The following ACAD11 variants were observed in gnomAD, a reference collection of about 807,000 sequenced individuals.
The protein encoded by ACAD11 is acyl-Coenzyme A dehydrogenase family, member 11.
ACAD11 carries 83 observed loss-of-function variants against 102.2 expected under a neutral mutation model. The observed-to-expected ratio is 0.81, with a 90% CI of 0.68 to 0.97. The LOEUF (loss-of-function observed/expected upper bound fraction) is 0.97, where lower values mean the gene tolerates loss of function less well. Ranked by LOEUF, ACAD11 falls within the 50% of genes least tolerant of loss-of-function variation. The pLI is 0.00. For synonymous variants in ACAD11, 324 were observed against 319.8 expected, an observed-to-expected ratio of 1.01 and a Z score of -0.14; for missense variants, 901 against 951.7, an observed-to-expected ratio of 0.95 and a Z score of 0.70.
At chr3:132,656,677 A>G (rs1225628633) in intron 1 of ACAD11, among the ~76,000 whole-genome samples, 4 of 151,990 alleles carry the variant, frequency 2.6e-5, no homozygotes, top group Non-Finnish European at 5.9e-5. Flanking sequence ...TATTTTTAGT[A>G]GAGACGGGGT....
chr3:132,604,882 A>G (rs1272328103), intron 12 of ACAD11, among the ~76,000 whole-genome samples: 1 of 152,264 alleles, frequency 6.6e-6, no homozygotes, highest in African/African-American at 2.4e-5. Flanking sequence ...CTACTAGAGA[A>G]CATCATCTGA....
intron 1 of ACAD11, 94 bp downstream of exon 1, chr3:132,659,509 G>T (rs1938009961): frequency 3.8e-6 from 6 of 1,559,344 alleles, no homozygotes; most frequent in Admixed American, 3.7e-5. Flanking sequence ...AAGCAATCAG[G>T]GTGGGAGAAA....
At chr3:132,647,058 T>C (rs1940742817) in intron 1 of ACAD11, 1 of 152,204 alleles carries the variant, frequency 6.6e-6, no homozygotes, top group South Asian at 2.1e-4. Flanking sequence ...TTGTACACTT[T>C]AAAACGGTTA....
At chr3:132,610,964 A>C (rs1026210226) in intron 11 of ACAD11, among the ~76,000 whole-genome samples, 1 of 152,196 alleles carries the variant, frequency 6.6e-6, no homozygotes, top group Non-Finnish European at 1.5e-5. Flanking sequence ...CATTGATGCA[A>C]AAATCCTCAA....
Position 132,603,213 on chromosome 3 carries a change from T to C in ACAD11, c.1621+16A>G, listed in dbSNP as rs747304063. 1 of 1,607,016 alleles carries C rather than the reference T, an allele frequency of 6.2e-7. No individual in the cohort carries two copies. ...GGATCAGTGTGTTAGGTGAAAAAAT[T>C]AGGCTGAACACTCACCACTGCTCCA... On this transcript the variant is annotated intron_variant, in intron 13 of 19. Transcript: ENST00000264990.
intron 14 of ACAD11, 53 bp from the exon 15 acceptor site, chr3:132,578,934 A>T: frequency 6.2e-7 from 1 of 1,606,160 alleles, no homozygotes; most frequent in Non-Finnish European, 8.5e-7. Context: ...GAAAAATAAA[A>T]CAGATAATAA....
chr3:132,641,645 GAAGAGGA>G lies in ACAD11; in HGVS notation c.537+320_537+326del, dbSNP rs1267110746. Among the ~76,000 whole-genome samples, 8 of 150,196 alleles carry G rather than the reference GAAGAGGA, an allele frequency of 5.3e-5. No individual in the cohort carries two copies. The East Asian group carries it at 6.1e-4, about 11-fold the overall frequency. On this transcript the variant is annotated intron_variant, in intron 4 of 19. Transcript: ENST00000264990. ...GGAAGAAGAGGAGGAAGAAGAGGAA[GAAGAGGA>G]GGAAGAAGAGGAGGAAGAAGAGGAA...
chr3:132,585,136 C>T (rs1231358070), intron 13 of ACAD11, among the ~76,000 whole-genome samples: 2 of 151,956 alleles, frequency 1.3e-5, no homozygotes, highest in Admixed American at 1.3e-4. Context: ...GTACTGGTAC[C>T]AAAACAGAGA....
At chr3:132,576,034 G>T in intron 16 of ACAD11, 108 bp from the exon 17 acceptor site, 1 of 1,301,644 alleles carries the variant, frequency 7.7e-7, no homozygotes, top group Non-Finnish European at 1.0e-6. Flanking sequence ...AATAAAAATG[G>T]CTTTCTAGTG....
At chr3:132,636,329 C>T (rs1183109480) in intron 5 of ACAD11, among the ~76,000 whole-genome samples, 1 of 152,106 alleles carries the variant, frequency 6.6e-6, no homozygotes, top group East Asian at 1.9e-4. Flanking sequence ...TTTCTGAAAC[C>T]TCAGCTCAAC....
At chr3:132,625,061 C>G (rs1260943823) in intron 9 of ACAD11, among the ~76,000 whole-genome samples, 1 of 152,106 alleles carries the variant, frequency 6.6e-6, no homozygotes, top group East Asian at 1.9e-4. Context: ...TATAAGAGAC[C>G]AACCGAAGCA....
intron 1 of ACAD11, among the ~76,000 whole-genome samples, chr3:132,656,162 A>T (rs1046377473): frequency 3.3e-5 from 5 of 152,204 alleles, no homozygotes; most frequent in African/African-American, 1.2e-4. Flanking sequence ...GCTGTAGCTG[A>T]ATCATTTTCA....
rs867010149 is a variant in ACAD11 at position 132,626,466 on chromosome 3, C to G, written c.1197+225G>C. 3.3e-5 allele frequency among the ~76,000 whole-genome samples: 5 copies of G among 151,564 alleles called. No individual in the cohort carries two copies. The South Asian group carries it at 1.0e-3, about 32-fold the overall frequency. On this transcript the variant is annotated intron_variant, in intron 9 of 19. Coordinates refer to ENST00000264990, the MANE Select transcript of ACAD11 (RefSeq NM_032169.5). ...AGTGTTTTACTCTAACATAGTTAGG[C>G]TCCCAATGTTAAAACTACTAATTCT...
intron 1 of ACAD11, among the ~76,000 whole-genome samples, chr3:132,649,430 T>C (rs1940849494): frequency 6.6e-6 from 1 of 152,096 alleles, no homozygotes; most frequent in Admixed American, 6.5e-5. Flanking sequence ...TTTACTCTAC[T>C]GAGATGTTTG....
At chr3:132,639,207 A>T (rs181241678) in intron 5 of ACAD11, among the ~76,000 whole-genome samples, 3 of 152,316 alleles carry the variant, frequency 2.0e-5, no homozygotes, top group Admixed American at 6.5e-5. Context: ...GTAGATGAAA[A>T]CTTATTTGAA....
intron 13 of ACAD11, chr3:132,600,750 T>G (rs768020189): frequency 6.2e-7 from 1 of 1,614,028 alleles, no homozygotes; most frequent in Non-Finnish European, 8.5e-7. Context: ...ACTTCAGCCT[T>G]GTACACACTA....
At chr3:132,600,630 T>G (rs1938534830) in intron 13 of ACAD11, 4 of 1,613,590 alleles carry the variant, frequency 2.5e-6, no homozygotes, top group Non-Finnish European at 3.4e-6. Context: ...AAAACAGATG[T>G]GTACATCCTG....
intron 8 of ACAD11, chr3:132,627,047 T>C (rs764936539): frequency 5.4e-6 from 2 of 371,424 alleles, no homozygotes; most frequent in African/African-American, 2.1e-5. Flanking sequence ...GGAAAACATA[T>C]AGGCCTGGCA....
At chr3:132,611,671 T>C (rs946635333) in intron 11 of ACAD11, among the ~76,000 whole-genome samples, 15 of 152,036 alleles carry the variant, frequency 9.9e-5, no homozygotes, top group African/African-American at 3.6e-4. Context: ...TTACAAGGGA[T>C]GTGAAGGACC....
Sources: gnomAD v4.1 joint callset for allele counts (sites outside exome capture counted in the v4.1 genomes callset) on GRCh38, gnomAD v4.1.1 for gene constraint, MANE v1.5 for transcripts, NCBI Gene and HGNC (gene_info 2026-07-23, HGNC 2026-07-21) for gene names.